Variants in CACNA1C observed in about 807,000 individuals in gnomAD.
The protein encoded by CACNA1C is voltage-dependent L-type calcium channel subunit alpha-1C.
In CACNA1C, 30 loss-of-function variants were observed where a neutral mutation model predicts 229.0. The ratio of observed to expected loss-of-function variants is 0.13; its 90% confidence interval spans 0.10 to 0.18. CACNA1C has a LOEUF of 0.18. Among genes scored for constraint, CACNA1C ranks in the 10% least tolerant of loss-of-function variants. The probability of loss-of-function intolerance (pLI) is 1.00; values close to 1 mark genes in which losing one functional copy is unlikely to be tolerated. For synonymous variants in CACNA1C, 1,114 were observed against 1,132.5 expected (o/e 0.98, Z 0.33); for missense variants, 1,658 against 2,845.0 (o/e 0.58, Z 9.49).
At chr12:2,303,575 G>A (rs2094753050) in intron 3 of CACNA1C, among the ~76,000 whole-genome samples, 1 of 152,066 alleles carries the variant, frequency 6.6e-6, no homozygotes, top group Non-Finnish European at 1.5e-5. Context: ...GACCAGCCCG[G>A]GTAACACAGG....
chr12:2,113,614 C>A (rs571283676), intron 1 of CACNA1C, among the ~76,000 whole-genome samples: 21 of 152,174 alleles, frequency 1.4e-4, no homozygotes, highest in Non-Finnish European at 2.6e-4. Context: ...AGTCTCTGGG[C>A]AGCTGAAGTG....
chr12:2,618,651 G>A (rs964332964), intron 29 of CACNA1C, among the ~76,000 whole-genome samples: 3 of 152,246 alleles, frequency 2.0e-5, no homozygotes, highest in Non-Finnish European at 4.4e-5. Flanking sequence ...GGCCTGAGCT[G>A]AGCCTGCCCC....
chr12:2,533,672 A>G (rs2099846285), intron 9 of CACNA1C, among the ~76,000 whole-genome samples: 1 of 152,140 alleles, frequency 6.6e-6, no homozygotes, highest in Non-Finnish European at 1.5e-5. Context: ...GGGCTGGTGG[A>G]GTCTGCCAGG....
At chr12:2,675,667 G>C (rs1180248744) in intron 39 of CACNA1C, among the ~76,000 whole-genome samples, 1 of 152,158 alleles carries the variant, frequency 6.6e-6, no homozygotes, top group Admixed American at 6.5e-5. Context: ...AAATTGTCAG[G>C]TGTGTTAAAA....
chr12:2,666,842 T>A lies in CACNA1C; in HGVS notation c.4623+60T>A. On this transcript the variant is annotated intron_variant, in intron 37 of 46. Transcript: ENST00000399655. This position sits in a 1 kb window ranked among gnomAD's most constrained non-coding sequence, Gnocchi z 5.3. ...AAAATAGGGGAAGTGAAGTGCCCAT[T>A]TCTTGTGATCCTTTAAGGGAATGAA... 1 of 982,592 alleles carries A rather than the reference T, an allele frequency of 1.0e-6. No individual in the cohort carries two copies. The highest frequency in any genetic ancestry group is 1.6e-6 in the Non-Finnish European group (1 of 631,222). 60.9% of individuals were successfully genotyped at this position (982,592 alleles called of 1,614,324 possible). A position where few individuals can be genotyped will look rare whatever the true frequency, so the allele number is the denominator to read the frequency against.
intron 43 of CACNA1C, among the ~76,000 whole-genome samples, chr12:2,682,879 C>CCA (rs71951718): frequency 5.9e-5 from 2 of 34,136 alleles, no homozygotes; most frequent in African/African-American, 3.9e-4. Context: ...CACACACACA[C>CCA]CACACACACA....
At chr12:2,563,899 G>A (rs1026780305) in intron 11 of CACNA1C, among the ~76,000 whole-genome samples, 3 of 152,242 alleles carry the variant, frequency 2.0e-5, no homozygotes, top group Non-Finnish European at 4.4e-5. Context: ...TACATGCCCG[G>A]GGGCTAGGAA....
At chr12:2,196,228 G>A (rs1377575619) in intron 3 of CACNA1C, among the ~76,000 whole-genome samples, 1 of 152,184 alleles carries the variant, frequency 6.6e-6, no homozygotes, top group Non-Finnish European at 1.5e-5. Flanking sequence ...TGTTGGTTTA[G>A]GAAGCTCCTC....
intron 1 of CACNA1C, among the ~76,000 whole-genome samples, chr12:2,100,687 G>A (rs1431072714): frequency 6.6e-6 from 1 of 151,532 alleles, no homozygotes; most frequent in East Asian, 1.9e-4. Flanking sequence ...AGCCCAGGGA[G>A]GTTGAGGCTG....
chr12:2,565,680 T>C (rs1377905655), intron 11 of CACNA1C, among the ~76,000 whole-genome samples: 3 of 152,164 alleles, frequency 2.0e-5, no homozygotes, highest in Non-Finnish European at 2.9e-5. Flanking sequence ...GAGGGGTCTG[T>C]GTGCTGTGTG....
At chr12:2,433,101 T>C (rs898312494) in intron 3 of CACNA1C, among the ~76,000 whole-genome samples, 10 of 152,190 alleles carry the variant, frequency 6.6e-5, no homozygotes, top group African/African-American at 2.4e-4. Flanking sequence ...CTGCACCATA[T>C]GGTAAGGGTG....
chr12:2,018,273 C>T (rs2045761284), intron 1 of CACNA1C: 1 of 152,078 alleles, frequency 6.6e-6, no homozygotes, highest in African/African-American at 2.4e-5. Context: ...TGATAAGCAA[C>T]CTTGAGAGCA....
At chr12:2,083,568 C>T (rs769018860) in intron 1 of CACNA1C, among the ~76,000 whole-genome samples, 3 of 152,232 alleles carry the variant, frequency 2.0e-5, no homozygotes, top group Non-Finnish European at 2.9e-5. Context: ...CTTTGATCCT[C>T]AGTTTCCCCA....
intron 3 of CACNA1C, among the ~76,000 whole-genome samples, chr12:2,212,437 G>A (rs907383679): frequency 6.6e-5 from 10 of 152,098 alleles, no homozygotes; most frequent in African/African-American, 9.7e-5. Context: ...GAAATCTTAC[G>A]GTTGCTTATA....
At chr12:2,342,786 C>A (rs552105901) in intron 3 of CACNA1C, among the ~76,000 whole-genome samples, 1 of 152,320 alleles carries the variant, frequency 6.6e-6, no homozygotes, top group South Asian at 2.1e-4. Flanking sequence ...TTGCCCTTAA[C>A]GTTAAATCAG....
intron 1 of CACNA1C, among the ~76,000 whole-genome samples, chr12:2,066,398 G>A (rs1321808585): frequency 6.6e-6 from 1 of 152,148 alleles, no homozygotes; most frequent in Admixed American, 6.5e-5. Context: ...AGTAGTCAGG[G>A]AGGTAGCGGG....
chr12:2,347,851 A>G (rs779620365), intron 3 of CACNA1C, among the ~76,000 whole-genome samples: 12 of 152,206 alleles, frequency 7.9e-5, no homozygotes, highest in Non-Finnish European at 1.6e-4. Context: ...TCCCAGACTC[A>G]GGTCTTGCCC....
At chr12:2,570,016 A>C (rs1394029221) in intron 13 of CACNA1C, among the ~76,000 whole-genome samples, 1 of 152,248 alleles carries the variant, frequency 6.6e-6, no homozygotes, top group Non-Finnish European at 1.5e-5. Context: ...GAACGTAAAC[A>C]TTGTTTCATA....
chr12:2,415,252 A>G (rs2098861576), intron 3 of CACNA1C, among the ~76,000 whole-genome samples: 2 of 151,928 alleles, frequency 1.3e-5, no homozygotes, highest in Admixed American at 6.5e-5. Context: ...AGTCTTTTTT[A>G]TCTCTCACCT....
Sources: gnomAD v4.1 joint callset for allele counts (sites outside exome capture counted in the v4.1 genomes callset) on GRCh38, gnomAD v4.1.1 for gene constraint, Gnocchi (gnomAD v3.1) non-coding constraint, MANE v1.5 for transcripts, NCBI Gene and HGNC (gene_info 2026-07-23, HGNC 2026-07-21) for gene names.